MGST1: variants seen among roughly 807,000 people sequenced by gnomAD.
MGST1 encodes the protein glutathione S-transferase 12.
A neutral mutation model predicts 8.9 loss-of-function variants in MGST1; 5 were observed. The observed-to-expected ratio is 0.56, with a 90% CI of 0.29 to 1.19. The LOEUF is 1.19. Among genes scored for constraint, MGST1 ranks in the 50% most tolerant of loss-of-function variants. The pLI, the probability that MGST1 is intolerant of heterozygous loss-of-function variation, is 0.08. For missense variants in MGST1, 182 were observed against 187.4 expected (o/e 0.97, Z 0.17); for synonymous variants, 54 against 67.8 (o/e 0.80, Z 1.00).
rs1246258735 is a variant in MGST1 at position 16,560,925 on chromosome 12, C to T, written n.483-28603C>T. 4 of 186,920 alleles carry T rather than the reference C, an allele frequency of 2.1e-5. No homozygotes were observed. Among genetic ancestry groups the T allele is most frequent in the Non-Finnish European group, 3.4e-5 (3 of 87,342 alleles). The allele number at this position is 186,920 out of a possible 1,614,324, so 11.6% of individuals were successfully genotyped here. On this transcript the variant is annotated intron_variant and non_coding_transcript_variant, in intron 4 of 4. Coordinates refer to the MGST1 transcript ENST00000538857. The surrounding 1 kb of genome is among the most constrained non-coding windows in gnomAD (Gnocchi z 5.0). ...ACATTTTAGTTGGGAAAGGAACCAA[C>T]TAATGAATGATTCACTACTTTTTGA...
intron 4 of MGST1, among the ~76,000 whole-genome samples, chr12:16,562,841 C>A (rs1199957972): frequency 6.6e-6 from 1 of 152,162 alleles, no homozygotes; most frequent in Admixed American, 6.5e-5. Context: ...GATGGCTGCC[C>A]GTACGGCGCA....
intron 4 of MGST1, among the ~76,000 whole-genome samples, chr12:16,492,518 A>C (rs1941446505): frequency 6.6e-6 from 1 of 152,174 alleles, no homozygotes; most frequent in Non-Finnish European, 1.5e-5. Context: ...AGGGCCTCTG[A>C]ATGTGAACAA....
intron 4 of MGST1, among the ~76,000 whole-genome samples, chr12:16,451,761 G>A (rs80167931): frequency 0.011 from 1,710 of 151,742 alleles, 42 homozygotes; most frequent in African/African-American, 0.039. Context: ...TAATATTATT[G>A]CATATCTGAC....
intron 1 of MGST1, among the ~76,000 whole-genome samples, chr12:16,422,845 T>C (rs936005420): frequency 6.6e-6 from 1 of 152,160 alleles, no homozygotes; most frequent in Admixed American, 6.5e-5. Context: ...CAGGTACTGC[T>C]TCCTCTAATT....
chr12:16,584,065 G>A lies in MGST1; in HGVS notation n.483-5463G>A, dbSNP rs1157180112. Among the ~76,000 whole-genome samples, 1 of 152,172 alleles carries A rather than the reference G, an allele frequency of 6.6e-6. No homozygotes were observed. The highest frequency in any genetic ancestry group is 2.4e-5 in the African/African-American group (1 of 41,442). ...CAGGCTGATGTTCAGTAGGGTCAAG[G>A]AGGCTCAACAAGTTAGGGCTTGGTT... On this transcript the variant is annotated intron_variant and non_coding_transcript_variant, in intron 4 of 4. Coordinates refer to the MGST1 transcript ENST00000538857. The surrounding 1 kb of genome is among the most constrained non-coding windows in gnomAD (Gnocchi z 5.2).
chr12:16,590,824 C>T (rs1943471491), downstream of MGST1, among the ~76,000 whole-genome samples: 1 of 151,968 alleles, frequency 6.6e-6, no homozygotes, highest in Admixed American at 6.6e-5. Context: ...TATATCATCC[C>T]CCTTAGATTG....
At chr12:16,564,412 A>G (rs1444753998) in intron 4 of MGST1, among the ~76,000 whole-genome samples, 1 of 152,176 alleles carries the variant, frequency 6.6e-6, no homozygotes, top group East Asian at 1.9e-4. Context: ...AAGCAAGCAA[A>G]CTCTTTATGG....
intron 1 of MGST1, among the ~76,000 whole-genome samples, chr12:16,352,683 T>G (rs1939523179): frequency 6.6e-6 from 1 of 152,190 alleles, no homozygotes; most frequent in Admixed American, 6.5e-5. Flanking sequence ...TACTTCCAAT[T>G]CCAGACACAG....
At position 16,555,975 on chromosome 12, in the gene MGST1, T is replaced by C. The variant is rs184211913; in HGVS notation, n.483-33553T>C. On this transcript the variant is annotated intron_variant and non_coding_transcript_variant, in intron 4 of 4. Coordinates refer to the MGST1 transcript ENST00000538857. The surrounding 1 kb of genome is among the most constrained non-coding windows in gnomAD (Gnocchi z 5.5). ...CTCTCTTCCCTCAGTATAGCTCTAT[T>C]TAGCATCGATTACACTCTTCTGTGA... 2.6e-5 allele frequency among the ~76,000 whole-genome samples: 4 copies of C among 152,120 alleles called. No homozygotes were observed. The highest frequency in any genetic ancestry group is 2.6e-4 in the Admixed American group (4 of 15,268).
At chr12:16,514,506 C>A (rs566448647) in intron 4 of MGST1, 43 of 261,174 alleles carry the variant, frequency 1.6e-4, no homozygotes, top group Non-Finnish European at 1.7e-4. Context: ...CATCACTGCC[C>A]AAATTGACAT....
chr12:16,459,937 G>C (rs1941206266), intron 4 of MGST1, among the ~76,000 whole-genome samples: 1 of 152,072 alleles, frequency 6.6e-6, no homozygotes, highest in African/African-American at 2.4e-5. Flanking sequence ...GCATATTTTA[G>C]AAATCTGAAT....
intron 3 of MGST1, 62 bp downstream of exon 3, chr12:16,357,761 G>A: frequency 1.4e-6 from 2 of 1,380,990 alleles, no homozygotes; most frequent in Non-Finnish European, 2.0e-6. Context: ...GGAGTTCAGT[G>A]AAGATGTCTC....
chr12:16,533,802 T>A (rs1319925096), intron 4 of MGST1, among the ~76,000 whole-genome samples: 1 of 152,054 alleles, frequency 6.6e-6, no homozygotes, highest in African/African-American at 2.4e-5. Context: ...CAAGGGTGTA[T>A]CTAACTCGGG....
intron 4 of MGST1, among the ~76,000 whole-genome samples, chr12:16,450,570 G>C (rs1216999394): frequency 6.6e-6 from 1 of 151,892 alleles, no homozygotes; most frequent in African/African-American, 2.4e-5. Flanking sequence ...ACTGTAACAG[G>C]CTTGCAAAAT....
chr12:16,567,225 C>A (rs1591787986), intron 4 of MGST1, among the ~76,000 whole-genome samples: 1 of 143,884 alleles, frequency 7.0e-6, no homozygotes, highest in Non-Finnish European at 1.5e-5. Flanking sequence ...AACAAACAAA[C>A]AAAAAACTAC....
In MGST1 at chr12:16,413,525, TC is replaced by T. The variant is rs1250857807; in HGVS notation, n.779-23862del. The stretch of plus-strand genomic sequence containing the variant: ...AAAGAGAATTCTCCCAGCATCCGTA[TC>T]TGGATTGAAAGGGTAGATGGTGAAA... On this transcript the variant is annotated intron_variant and non_coding_transcript_variant, in intron 1 of 1. Transcript: ENST00000359720. The surrounding 1 kb of genome is among the most constrained non-coding windows in gnomAD (Gnocchi z 4.0). 1.3e-5 allele frequency among the ~76,000 whole-genome samples: 2 copies of T among 152,136 alleles called. No homozygotes were observed. Among genetic ancestry groups the T allele is most frequent in the Non-Finnish European group, 1.5e-5 (1 of 68,024 alleles).
intron 4 of MGST1, among the ~76,000 whole-genome samples, chr12:16,581,163 A>G (rs1265777331): frequency 6.6e-6 from 1 of 152,198 alleles, no homozygotes; most frequent in Non-Finnish European, 1.5e-5. Flanking sequence ...ATTACAGATG[A>G]CAGGATCAAT....
At chr12:16,448,231 ATACT>A (rs555096067) in intron 4 of MGST1, among the ~76,000 whole-genome samples, 4 of 151,984 alleles carry the variant, frequency 2.6e-5, no homozygotes, top group Admixed American at 1.3e-4. Flanking sequence ...AAATTAACAA[ATACT>A]TACTGAATTT....
intron 1 of MGST1, among the ~76,000 whole-genome samples, chr12:16,392,450 A>T (rs1022783845): frequency 3.9e-5 from 6 of 152,198 alleles, no homozygotes; most frequent in African/African-American, 9.7e-5. Context: ...GATTTCTATC[A>T]AATTTCTTTA....
Sources: allele counts gnomAD v4.1 joint callset (sites outside exome capture counted in the v4.1 genomes callset), GRCh38; gene constraint gnomAD v4.1.1; non-coding constraint Gnocchi (gnomAD v3.1); transcripts MANE v1.5; gene names NCBI Gene and HGNC (gene_info 2026-07-23, HGNC 2026-07-21).